Variants in DIP2C observed in about 807,000 individuals in gnomAD.
DIP2C encodes the protein DIP2 acetate--CoA ligase C (putative), also known as disco-interacting protein 2 homolog C.
DIP2C carries 33 observed loss-of-function variants against 192.4 expected under a neutral mutation model. The ratio of observed to expected loss-of-function variants is 0.17; its 90% CI spans 0.13 to 0.23. The LOEUF is 0.23. DIP2C is among the 10% of genes least tolerant of loss of function. DIP2C has a pLI of 1.00. For missense variants in DIP2C, 1,537 were observed against 2,110.1 expected (o/e 0.73, Z 5.32); for synonymous variants, 979 against 864.1 (o/e 1.13, Z -2.33).
At position 327,146 on chromosome 10, in the gene DIP2C, T is replaced by C. The variant is rs770919568; in HGVS notation, c.3784A>G (p.Thr1262Ala). The change falls in exon 31 of 37, where the codon ACC (threonine) becomes GCC (alanine). Residue 1262 changes from threonine to alanine, a missense_variant. Thr to Ala is a moderately conservative substitution (Grantham distance 58). This residue lies in a region of DIP2C where 341 missense variants were observed against 551.7 expected (regional missense o/e 0.62). Coordinates refer to ENST00000280886, the MANE Select transcript of DIP2C (RefSeq NM_014974.3). The stretch of plus-strand genomic sequence containing the variant: ...CTCTCTTCCGCCACAACCACGCAGG[T>C]CCTCACTCGGGACAAGTCCAGCCCT... ...ARGLDLSRVR[T>A]CVVVAEERPR... The C allele has an allele frequency of 3.7e-6, 6 of 1,613,994 alleles. No individual in the cohort carries two copies. The South Asian group carries it at 5.5e-5, about 15-fold the overall frequency.
At chr10:571,002 C>G (rs1232933285) in intron 1 of DIP2C, among the ~76,000 whole-genome samples, 1 of 152,230 alleles carries the variant, frequency 6.6e-6, no homozygotes, top group Non-Finnish European at 1.5e-5. Flanking sequence ...CCGCAGGCTT[C>G]CCAGCGCCCT....
chr10:648,624 C>G (rs1855640686), intron 1 of DIP2C, among the ~76,000 whole-genome samples: 1 of 151,196 alleles, frequency 6.6e-6, no homozygotes, highest in Non-Finnish European at 1.5e-5. Context: ...TGGGTGAGAA[C>G]AGAGGGAAAC....
intron 1 of DIP2C, among the ~76,000 whole-genome samples, chr10:514,221 T>TCGAA (rs1846210374): frequency 6.6e-6 from 1 of 151,790 alleles, no homozygotes; most frequent in African/African-American, 2.4e-5. Context: ...TGGGCTTTGC[T>TCGAA]CACTCTAGCC....
intron 24 of DIP2C, 40 bp downstream of exon 24, chr10:356,386 T>C (rs773406421): frequency 3.1e-6 from 5 of 1,606,488 alleles, no homozygotes; most frequent in African/African-American, 1.3e-5. Flanking sequence ...GCTAGGCCCC[T>C]TGAGGCCAGT....
chr10:288,240 A>G (rs996114463), intron 33 of DIP2C, 124 bp downstream of exon 33: 4 of 927,802 alleles, frequency 4.3e-6, no homozygotes, highest in South Asian at 3.3e-5. Context: ...ACTCACTGAT[A>G]TGTTACTTTC....
At chr10:493,719 G>A (rs78667900) in intron 1 of DIP2C, among the ~76,000 whole-genome samples, 3,419 of 152,322 alleles carry the variant, frequency 0.022, 129 homozygotes, top group African/African-American at 0.077. Flanking sequence ...GTGGACAGGA[G>A]AAAGGATGGA....
At chr10:465,511 C>T (rs1005869040) in intron 3 of DIP2C, among the ~76,000 whole-genome samples, 1 of 152,026 alleles carries the variant, frequency 6.6e-6, no homozygotes, top group African/African-American at 2.4e-5. Flanking sequence ...CACTCCTATT[C>T]AACATAGTGT....
At chr10:640,597 C>T (rs936059815) in intron 1 of DIP2C, among the ~76,000 whole-genome samples, 14 of 151,294 alleles carry the variant, frequency 9.3e-5, no homozygotes, top group Admixed American at 3.3e-4. Flanking sequence ...GGGTGCGTGC[C>T]GGGACGAGGG....
chr10:448,658 A>T (rs1968552372), intron 3 of DIP2C, among the ~76,000 whole-genome samples: 1 of 123,388 alleles, frequency 8.1e-6, no homozygotes, highest in Non-Finnish European at 1.7e-5. Context: ...GGCAAGCAGG[A>T]CCCACTCACC....
intron 5 of DIP2C, among the ~76,000 whole-genome samples, chr10:422,279 CCT>C (rs1191475345): frequency 2.0e-5 from 3 of 152,184 alleles, no homozygotes; most frequent in Admixed American, 6.5e-5. Flanking sequence ...GCCAGCTCTT[CCT>C]CTAATAATTC....
intron 24 of DIP2C, among the ~76,000 whole-genome samples, chr10:350,628 A>C (rs1238548127): frequency 7.6e-6 from 1 of 131,440 alleles, no homozygotes; most frequent in South Asian, 2.5e-4. Context: ...ACCCGGGCTC[A>C]GGAATTTTTT....
At chr10:415,620 A>G (rs1965577379) in intron 7 of DIP2C, 149 bp downstream of exon 7, 2 of 1,062,026 alleles carry the variant, frequency 1.9e-6, no homozygotes, top group African/African-American at 1.6e-5. Context: ...GCCTGGGAAC[A>G]TCACCCGCTC....
At chr10:349,912 A>T (rs1958708602) in intron 24 of DIP2C, among the ~76,000 whole-genome samples, 1 of 152,232 alleles carries the variant, frequency 6.6e-6, no homozygotes, top group Admixed American at 6.5e-5. Context: ...AGCAAAAAAC[A>T]AAAGCAAAAT....
chr10:351,189 C>T (rs1281217245), intron 24 of DIP2C, among the ~76,000 whole-genome samples: 4 of 152,146 alleles, frequency 2.6e-5, no homozygotes, highest in African/African-American at 7.2e-5. Flanking sequence ...GGACGCCGCA[C>T]GGACGAACAG....
intron 22 of DIP2C, among the ~76,000 whole-genome samples, 171 bp from the exon 23 acceptor site, chr10:358,108 G>T (rs1379347573): frequency 6.6e-6 from 1 of 152,172 alleles, no homozygotes; most frequent in Non-Finnish European, 1.5e-5. Flanking sequence ...TGAAGGGGGA[G>T]TGTAACAAGC....
chr10:346,458 C>G (rs1360166534), intron 26 of DIP2C, among the ~76,000 whole-genome samples: 1 of 94,552 alleles, frequency 1.1e-5, no homozygotes, highest in Non-Finnish European at 2.0e-5. Context: ...ACACACCCAA[C>G]CCAGACACAT....
chr10:401,682 T>C (rs988508949), intron 9 of DIP2C, among the ~76,000 whole-genome samples: 1 of 148,714 alleles, frequency 6.7e-6, no homozygotes, highest in African/African-American at 2.5e-5. Context: ...GTGGTAGCAT[T>C]AGCATTACTC....
At chr10:289,470 G>C (rs1202603046) in intron 32 of DIP2C, among the ~76,000 whole-genome samples, 1 of 152,154 alleles carries the variant, frequency 6.6e-6, no homozygotes, top group Non-Finnish European at 1.5e-5. Flanking sequence ...ATCTCACTAT[G>C]TTGCTTAGGC....
intron 1 of DIP2C, among the ~76,000 whole-genome samples, chr10:621,989 C>T (rs1588623406): frequency 3.3e-5 from 5 of 151,608 alleles, no homozygotes; most frequent in Admixed American, 3.3e-4. Context: ...TAATGCTCTA[C>T]CGTGTGTCTT....
Sources: gnomAD v4.1 joint callset for allele counts (sites outside exome capture counted in the v4.1 genomes callset) on GRCh38, gnomAD v4.1.1 for gene constraint, gnomAD v4.1.1 regional missense constraint, MANE v1.5 for transcripts, NCBI Gene and HGNC (gene_info 2026-07-23, HGNC 2026-07-21) for gene names.